The following ASIC2 variants were observed in gnomAD, a reference collection of about 807,000 sequenced individuals.
ASIC2 encodes acid sensing ion channel subunit 2, also known as acid-sensing ion channel 2.
ASIC2 carries 25 observed loss-of-function variants against 57.3 expected under a neutral mutation model. The observed-to-expected ratio is 0.44, with a 90% CI of 0.32 to 0.61. The LOEUF is 0.61. Ranked by LOEUF, ASIC2 falls within the 20% of genes least tolerant of loss-of-function variation. The probability of loss-of-function intolerance (pLI) is 0.06; values close to 1 mark genes in which losing one functional copy is unlikely to be tolerated. For missense variants in ASIC2, 641 were observed against 738.1 expected (o/e 0.87, Z 1.52); for synonymous variants, 319 against 307.5 (o/e 1.04, Z -0.39).
intron 1 of ASIC2, among the ~76,000 whole-genome samples, chr17:33,384,335 T>C (rs1465820211): frequency 6.6e-6 from 1 of 152,216 alleles, no homozygotes; most frequent in Non-Finnish European, 1.5e-5. Context: ...GCCAGACATA[T>C]CTCTGTTCTA....
At chr17:33,625,036 G>A (rs994124131) in intron 1 of ASIC2, among the ~76,000 whole-genome samples, 11 of 151,936 alleles carry the variant, frequency 7.2e-5, no homozygotes, top group Admixed American at 1.3e-4. Flanking sequence ...CTTCTTCCTT[G>A]TACCAGGATC....
chr17:34,033,686 T>C (rs547525841), intron 1 of ASIC2, among the ~76,000 whole-genome samples: 16 of 152,166 alleles, frequency 1.1e-4, no homozygotes, highest in African/African-American at 2.4e-4. Context: ...GGGGCTATCA[T>C]CACCGATCCC....
chr17:34,154,519 A>T (rs1292370662), intron 1 of ASIC2, among the ~76,000 whole-genome samples: 1 of 152,186 alleles, frequency 6.6e-6, no homozygotes, highest in African/African-American at 2.4e-5. Context: ...GCGAGAGGCA[A>T]TGCCCCCGGC....
chr17:33,237,475 C>A (rs1316399294), intron 1 of ASIC2, among the ~76,000 whole-genome samples: 2 of 152,058 alleles, frequency 1.3e-5, no homozygotes, highest in African/African-American at 2.4e-5. Flanking sequence ...CTCAGCTTCC[C>A]AAGTAGCTGG....
intron 1 of ASIC2, among the ~76,000 whole-genome samples, chr17:33,367,222 G>A (rs1325381899): frequency 1.3e-5 from 2 of 152,234 alleles, no homozygotes; most frequent in African/African-American, 2.4e-5. Flanking sequence ...AGCTGGGAGG[G>A]AGCCAGAGGC....
At chr17:33,577,840 T>C (rs1375013997) in intron 1 of ASIC2, among the ~76,000 whole-genome samples, 1 of 152,174 alleles carries the variant, frequency 6.6e-6, no homozygotes, top group East Asian at 1.9e-4. Flanking sequence ...CCCTTCTGCC[T>C]AGGGCCTCTC....
intron 1 of ASIC2, among the ~76,000 whole-genome samples, chr17:33,657,332 C>T (rs1410011261): frequency 6.6e-6 from 1 of 152,162 alleles, no homozygotes; most frequent in Non-Finnish European, 1.5e-5. Flanking sequence ...CTTCCCACTG[C>T]CTTTCTCCCC....
chr17:34,118,571 TG>T (rs1336013221), intron 1 of ASIC2: 1 of 152,258 alleles, frequency 6.6e-6, no homozygotes, highest in African/African-American at 2.4e-5. Flanking sequence ...AATATGCATC[TG>T]GTCCCTTTCC....
intron 1 of ASIC2, among the ~76,000 whole-genome samples, chr17:33,978,927 A>G (rs545672594): frequency 6.6e-6 from 1 of 152,302 alleles, no homozygotes; most frequent in East Asian, 1.9e-4. Context: ...GAGAAACATT[A>G]TCACAAAAGG....
chr17:33,161,003 T>C (rs908719936), intron 1 of ASIC2, among the ~76,000 whole-genome samples: 1 of 152,210 alleles, frequency 6.6e-6, no homozygotes, highest in Non-Finnish European at 1.5e-5. Flanking sequence ...CTGAAACAGC[T>C]TGGAGCTGGG....
intron 1 of ASIC2, among the ~76,000 whole-genome samples, chr17:33,453,927 C>A (rs1912357897): frequency 6.6e-6 from 1 of 152,128 alleles, no homozygotes; most frequent in Admixed American, 6.5e-5. Flanking sequence ...GGTAATTATT[C>A]TGAAGTTCAT....
chr17:33,344,945 T>TA (rs397956318), intron 1 of ASIC2, among the ~76,000 whole-genome samples: 1 of 151,942 alleles, frequency 6.6e-6, no homozygotes, highest in Admixed American at 6.6e-5. Context: ...TTTTTTTTTT[T>TA]AGCTGGGGAC....
chr17:33,068,087 G>A (rs574867800), intron 3 of ASIC2, among the ~76,000 whole-genome samples: 1 of 152,250 alleles, frequency 6.6e-6, no homozygotes, highest in South Asian at 2.1e-4. Flanking sequence ...AGAGTGCAAC[G>A]GCAGGGGAAA....
At chr17:33,829,157 G>A (rs182164106) in intron 1 of ASIC2, among the ~76,000 whole-genome samples, 2 of 152,220 alleles carry the variant, frequency 1.3e-5, no homozygotes, top group Admixed American at 6.5e-5. Flanking sequence ...GACCCCACCT[G>A]GTCAACAAAA....
At chr17:33,557,748 C>G (rs1051321652) in intron 1 of ASIC2, among the ~76,000 whole-genome samples, 18 of 152,050 alleles carry the variant, frequency 1.2e-4, no homozygotes, top group African/African-American at 4.1e-4. Context: ...TTTACACATC[C>G]CACTCTATTA....
At chr17:33,077,181 A>G (rs1327269836) in intron 3 of ASIC2, among the ~76,000 whole-genome samples, 1 of 151,958 alleles carries the variant, frequency 6.6e-6, no homozygotes, top group Non-Finnish European at 1.5e-5. Flanking sequence ...GCCCAAGGCC[A>G]TCTTCCTGTC....
chr17:33,668,272 C>CTT (rs397856474), intron 1 of ASIC2, among the ~76,000 whole-genome samples: 4,172 of 61,186 alleles, frequency 0.068, 818 homozygotes, highest in Non-Finnish European at 0.094. Context: ...ATCAAATGTT[C>CTT]TTTTTTTTTT....
chr17:33,999,118 T>C (rs1906253817), intron 1 of ASIC2, among the ~76,000 whole-genome samples: 3 of 152,188 alleles, frequency 2.0e-5, no homozygotes, highest in African/African-American at 7.2e-5. Flanking sequence ...GTAATGACCT[T>C]CTTCATCTCT....
chr17:33,648,782 C>T (rs1410444695), intron 1 of ASIC2, among the ~76,000 whole-genome samples: 1 of 152,200 alleles, frequency 6.6e-6, no homozygotes, highest in Non-Finnish European at 1.5e-5. Context: ...ATTCAACTCA[C>T]ATGTACAATT....
Sources: allele counts gnomAD v4.1 joint callset (sites outside exome capture counted in the v4.1 genomes callset), GRCh38; gene constraint gnomAD v4.1.1; transcripts MANE v1.5; gene names NCBI Gene and HGNC (gene_info 2026-07-23, HGNC 2026-07-21).